The following MMP13 variants were observed in gnomAD, a reference collection of about 807,000 sequenced individuals.
MMP13 encodes matrix metallopeptidase 13, also known as collagenase 3.
In MMP13, 45 loss-of-function variants were observed where a neutral mutation model predicts 52.1. That is an observed-to-expected ratio of 0.86 (90% confidence interval 0.68 to 1.11). The LOEUF (loss-of-function observed/expected upper bound fraction) is 1.11, where lower values mean the gene tolerates loss of function less well. Ranked by LOEUF, MMP13 falls within the 50% of genes least tolerant of loss-of-function variation. The pLI is 0.00. For missense variants in MMP13, 576 were observed against 583.8 expected, an observed-to-expected ratio of 0.99 and a Z score of 0.14; for synonymous variants, 200 against 204.4, an observed-to-expected ratio of 0.98 and a Z score of 0.18.
rs1846712663 is a variant in MMP13, at chr11:102,949,248, C to G, written c.918-90G>C. On this transcript the variant is annotated intron_variant, in intron 6 of 9. Coordinates refer to ENST00000260302, the MANE Select transcript of MMP13 (RefSeq NM_002427.4). This position sits in a 1 kb window ranked among gnomAD's most constrained non-coding sequence, Gnocchi z 4.2. ...TCACCTCTCTCCACATCAACACAGA[C>G]AAGTTAGATACAACCAATACCTCCC... is the stretch of plus-strand genomic sequence containing the variant. The G allele has an allele frequency of 2.7e-6, 4 of 1,506,158 alleles. No homozygotes were observed. Among genetic ancestry groups the G allele is most frequent in the Non-Finnish European group, 2.7e-6 (3 of 1,105,950 alleles). 93.3% of individuals were successfully genotyped at this position (1,506,158 alleles called of 1,614,324 possible).
In MMP13 at chr11:102,943,762, T is replaced by G. The variant is rs1191586203; in HGVS notation, c.*504A>C. On this transcript the variant is annotated 3_prime_UTR_variant, in exon 10 of 10. Transcript: ENST00000260302. ...GGCACATACATCTGAATATCCTCAG[T>G]GCAAAATGAAAATTATTTATTTGGA... 6.1e-6 allele frequency: 1 copy of G among 164,130 alleles called. No individual in the cohort carries two copies. The highest frequency in any genetic ancestry group is 1.3e-5 in the Non-Finnish European group (1 of 75,068). 10.2% of individuals were successfully genotyped at this position (164,130 alleles called of 1,614,324 possible). A position where few individuals can be genotyped will look rare whatever the true frequency, so the allele number is the denominator to read the frequency against.
At position 102,952,705 on chromosome 11, in the gene MMP13, A is replaced by G. The variant is rs1423347206; in HGVS notation, c.638-532T>C. 5.3e-5 allele frequency among the ~76,000 whole-genome samples: 8 copies of G among 152,098 alleles called. No homozygotes were observed. The highest frequency in any genetic ancestry group is 1.9e-4 in the African/African-American group (8 of 41,432). On this transcript the variant is annotated intron_variant, in intron 4 of 9. Transcript: ENST00000260302. The surrounding 1 kb of genome is among the most constrained non-coding windows in gnomAD (Gnocchi z 4.3). ...AAATTCCAACCAAATGATTTTTTCCAGAATGTCTCTAGACTCTGGGTTCTG... is the reference window on the plus strand; with the variant it reads ...AAATTCCAACCAAATGATTTTTTCCGGAATGTCTCTAGACTCTGGGTTCTG...
intron 7 of MMP13, among the ~76,000 whole-genome samples, chr11:102,948,718 C>CCAATATACCA: frequency 6.6e-6 from 1 of 151,990 alleles, no homozygotes; most frequent in Non-Finnish European, 1.5e-5. Flanking sequence ...TCCACTTTTT[C>CCAATATACCA]AGAATATATT....
At chr11:102,945,262 A>T in intron 9 of MMP13, 4 of 893,686 alleles carry the variant, frequency 4.5e-6, no homozygotes, top group South Asian at 2.2e-5. Context: ...AAAAAGGTTG[A>T]GAACATAATT....
At chr11:102,953,861 T>C (rs1189197218) in intron 4 of MMP13, among the ~76,000 whole-genome samples, 3 of 152,162 alleles carry the variant, frequency 2.0e-5, no homozygotes, top group African/African-American at 7.2e-5. Flanking sequence ...AAAAGGTAAT[T>C]TGCAGTAATA....
At chr11:102,946,628 G>C (rs1860512148) in intron 8 of MMP13, among the ~76,000 whole-genome samples, 1 of 152,168 alleles carries the variant, frequency 6.6e-6, no homozygotes, top group Non-Finnish European at 1.5e-5. Flanking sequence ...TTTCAAGAGG[G>C]AGAGATGCAG....
intron 5 of MMP13, 91 bp from the exon 6 acceptor site, chr11:102,950,318 G>A: frequency 9.9e-7 from 1 of 1,008,052 alleles, no homozygotes; most frequent in South Asian, 1.3e-5. Flanking sequence ...CTGATGGACA[G>A]TGGGAGAGGG....
rs1422687498 is a variant in MMP13, at chr11:102,949,237, A to G, written c.918-79T>C. ...TATCCTGCTAGTCACCTCTCTCCAC[A>G]TCAACACAGACAAGTTAGATACAAC... On this transcript the variant is annotated intron_variant, in intron 6 of 9. Transcript: ENST00000260302. The surrounding 1 kb of genome is among the most constrained non-coding windows in gnomAD (Gnocchi z 4.2). 2 of 1,546,206 alleles carry G rather than the reference A, an allele frequency of 1.3e-6. No homozygotes were observed. The highest frequency in any genetic ancestry group is 1.8e-5 in the Admixed American group (1 of 56,378).
rs782620150 is a variant in MMP13, at chr11:102,950,143, C to T, written c.884G>A (p.Ser295Asn). Reference protein sequence around the residue: ...DPSLSLDAITSLRGETMIFKD... With the variant: ...DPSLSLDAITNLRGETMIFKD... ...AAAGATCATTGTTTCTCCTCGGAGA[C>T]TGGTAATGGCATCAAGGGATAAGGA... The change falls in exon 6 of 10, where the codon AGT becomes AAT. Residue 295 changes from serine (S) to asparagine (N), a missense_variant. Physicochemically the swap from Ser to Asn is conservative, Grantham distance 46 (BLOSUM62 1). Coordinates refer to ENST00000260302, the MANE Select transcript of MMP13 (RefSeq NM_002427.4). 2.7e-5 allele frequency: 43 copies of T among 1,613,406 alleles called. No individual in the cohort carries two copies. Among genetic ancestry groups the T allele is most frequent in the Non-Finnish European group, 3.5e-5 (41 of 1,179,522 alleles).
In MMP13 at chr11:102,952,079, G is replaced by A. The variant is rs375374606; in HGVS notation, c.732C>T (p.Tyr244=). ...TAAAGTGGCTTTTGCCGGTGTAGGT[G>A]TAGATAGGAAACATGAGTGCTCCAG... ...KDPGALMFPI[Y]TYTGKSHFML... The change falls in exon 5 of 10, where the codon TAC becomes TAT. Residue 244 remains tyrosine (Y), a synonymous_variant. Transcript: ENST00000260302. The surrounding 1 kb of genome is among the most constrained non-coding windows in gnomAD (Gnocchi z 4.3). 9.9e-6 allele frequency: 16 copies of A among 1,613,338 alleles called. No individual in the cohort carries two copies. In the East Asian group the frequency reaches 1.6e-4, roughly 16 times the overall value.
chr11:102,950,068 T>A (rs781812031), intron 6 of MMP13, 42 bp downstream of exon 6: 33 of 1,497,612 alleles, frequency 2.2e-5, no homozygotes, highest in Non-Finnish European at 3.0e-5. Flanking sequence ...GCTTCACAGA[T>A]GTTTGTCGCA....
rs1860563471 is a variant in MMP13 at position 102,949,032 on chromosome 11, G to A, written c.1044C>T (p.Ile348=). 6.2e-7 allele frequency: 1 copy of A among 1,613,650 alleles called. No individual in the cohort carries two copies. Among genetic ancestry groups the A allele is most frequent in the Non-Finnish European group, 8.5e-7 (1 of 1,179,766 alleles). ...CCTCTGTGGAAAGCTTACCTCTGAA[G>A]ATGAAGATGAGGTCATGAGAAGGGT... The part of the protein sequence containing the change: ...YEHPSHDLIF[I]FRGRKFWALN... The change falls in exon 7 of 10, where the codon ATC becomes ATT. Residue 348 remains isoleucine (I), a synonymous_variant. Coordinates refer to ENST00000260302, the MANE Select transcript of MMP13 (RefSeq NM_002427.4). This position sits in a 1 kb window ranked among gnomAD's most constrained non-coding sequence, Gnocchi z 4.2.
At chr11:102,948,851 T>G (rs782544528) in intron 7 of MMP13, among the ~76,000 whole-genome samples, 174 bp downstream of exon 7, 1 of 152,166 alleles carries the variant, frequency 6.6e-6, no homozygotes, top group Admixed American at 6.5e-5. Context: ...TATGTTCAAT[T>G]TGGAGATTCA....
chr11:102,945,592 T>G, intron 9 of MMP13, 54 bp downstream of exon 9: 1 of 1,100,424 alleles, frequency 9.1e-7, no homozygotes, highest in Non-Finnish European at 1.4e-6. Context: ...CAGAAAAGAG[T>G]TTTGAGGGGC....
Position 102,955,195 on chromosome 11 carries a change from A to T in MMP13, c.362+57T>A. Reference sequence around the variant, plus strand: ...TAATAAGGCCTACTTAATATTAGACATTTAATACTACAAGAAAAGGCTAAC... The same window carrying T: ...TAATAAGGCCTACTTAATATTAGACTTTTAATACTACAAGAAAAGGCTAAC... On this transcript the variant is annotated intron_variant, in intron 2 of 9. Coordinates refer to ENST00000260302, the MANE Select transcript of MMP13 (RefSeq NM_002427.4). The surrounding 1 kb of genome is among the most constrained non-coding windows in gnomAD (Gnocchi z 4.9). 2 of 1,588,106 alleles carry T rather than the reference A, an allele frequency of 1.3e-6. No homozygotes were observed. The highest frequency in any genetic ancestry group is 1.7e-6 in the Non-Finnish European group (2 of 1,161,242).
intron 5 of MMP13, 118 bp downstream of exon 5, chr11:102,951,894 G>T: frequency 9.9e-7 from 1 of 1,009,942 alleles, no homozygotes; most frequent in Non-Finnish European, 1.6e-6. Flanking sequence ...CCTTTGTCAT[G>T]CATGCGCTTC....
At position 102,954,429 on chromosome 11, in the gene MMP13, A is replaced by G. The variant is rs1054877508; in HGVS notation, c.511+29T>C. On this transcript the variant is annotated intron_variant, in intron 3 of 9. Transcript: ENST00000260302. ...TGGAACCAAGAATTAGAATATAAAA[A>G]TGTTTGTAAAATAAATGTGCATCAT... 5 of 1,606,346 alleles carry G rather than the reference A, an allele frequency of 3.1e-6. No homozygotes were observed. In the Admixed American group the frequency reaches 5.0e-5, roughly 16 times the overall value.
rs782174903 is a variant in MMP13, at chr11:102,952,080, T to C, written c.731A>G (p.Tyr244Cys). ...KDPGALMFPI[Y>C]TYTGKSHFML... ...AAAGTGGCTTTTGCCGGTGTAGGTG[T>C]AGATAGGAAACATGAGTGCTCCAGG... The change falls in exon 5 of 10, where the codon TAC (tyrosine) becomes TGC (cysteine). Residue 244 changes from tyrosine (Y) to cysteine (C), a missense_variant. By Grantham distance (194) the Tyr-to-Cys change is radical (BLOSUM62 -2). Coordinates refer to ENST00000260302, the MANE Select transcript of MMP13 (RefSeq NM_002427.4). This position sits in a 1 kb window ranked among gnomAD's most constrained non-coding sequence, Gnocchi z 4.3. 3.1e-6 allele frequency: 5 copies of C among 1,613,294 alleles called. No individual in the cohort carries two copies. In the African/African-American group the frequency reaches 4.0e-5, roughly 13 times the overall value.
At position 102,950,216 on chromosome 11, in the gene MMP13, C is replaced by T. The variant is rs1555017162; in HGVS notation, c.811G>A (p.Glu271Lys). 4 of 1,613,040 alleles carry T rather than the reference C, an allele frequency of 2.5e-6. No homozygotes were observed. Among genetic ancestry groups the T allele is most frequent in the Non-Finnish European group, 3.4e-6 (4 of 1,179,058 alleles). Residue 271 changes from glutamate (E) to lysine (K), a missense_variant, in exon 6 of 10, where the codon GAA (glutamate) becomes AAA (lysine). By Grantham distance (56) the Glu-to-Lys change is moderately conservative. Coordinates refer to ENST00000260302, the MANE Select transcript of MMP13 (RefSeq NM_002427.4). Reference sequence around the variant, plus strand: ...TTTGGATGTTTAGGGTTGGGGTCTTCATCTCCTGGACCTGTAGTCGTGAAA... The same window carrying T: ...TTTGGATGTTTAGGGTTGGGGTCTTTATCTCCTGGACCTGTAGTCGTGAAA... The part of the protein sequence containing the change: ...GIQSLYGPGD[E>K]DPNPKHPKTP...
Sources: allele counts gnomAD v4.1 joint callset (sites outside exome capture counted in the v4.1 genomes callset), GRCh38; gene constraint gnomAD v4.1.1; non-coding constraint Gnocchi (gnomAD v3.1); transcripts MANE v1.5; gene names NCBI Gene and HGNC (gene_info 2026-07-23, HGNC 2026-07-21).